THSD7A: variants seen among roughly 807,000 people sequenced by gnomAD.
THSD7A encodes the protein thrombospondin type-1 domain-containing protein 7A.
Under a neutral mutation model 231.3 loss-of-function variants are expected in THSD7A, and 96 were observed. The observed-to-expected ratio is 0.41, with a 90% CI of 0.35 to 0.49. The LOEUF (loss-of-function observed/expected upper bound fraction) is 0.49, where lower values mean the gene tolerates loss of function less well. Among genes scored for constraint, THSD7A ranks in the 20% least tolerant of loss-of-function variants. THSD7A has a pLI of 0.05. For missense variants in THSD7A, 2,290 were observed against 2,070.2 expected (o/e 1.11, Z -2.06); for synonymous variants, 940 against 743.3 (o/e 1.26, Z -4.30).
At chr7:11,713,428 C>T (rs1278417860) in intron 1 of THSD7A, among the ~76,000 whole-genome samples, 1 of 151,116 alleles carries the variant, frequency 6.6e-6, no homozygotes, top group African/African-American at 2.4e-5. Flanking sequence ...ATCTGTCTGT[C>T]ATAAATAAGA....
At chr7:11,816,091 C>T (rs549092127) in intron 1 of THSD7A, among the ~76,000 whole-genome samples, 2 of 152,172 alleles carry the variant, frequency 1.3e-5, no homozygotes, top group Admixed American at 1.3e-4. Context: ...CTCCATTTTA[C>T]ATCCATATAT....
intron 1 of THSD7A, among the ~76,000 whole-genome samples, chr7:11,721,709 G>T (rs568976502): frequency 2.3e-4 from 35 of 151,800 alleles, no homozygotes; most frequent in African/African-American, 8.2e-4. Flanking sequence ...ATTCATCCTT[G>T]CCTCTCTTTA....
intron 1 of THSD7A, among the ~76,000 whole-genome samples, chr7:11,701,463 AATTT>A (rs1023580597): frequency 1.7e-4 from 25 of 151,326 alleles, no homozygotes; most frequent in African/African-American, 6.0e-4. Context: ...ACTTCACTAT[AATTT>A]ATTAAAAGAA....
At chr7:11,698,443 C>G (rs1004544359) in intron 1 of THSD7A, among the ~76,000 whole-genome samples, 1 of 151,208 alleles carries the variant, frequency 6.6e-6, no homozygotes, top group Non-Finnish European at 1.5e-5. Flanking sequence ...GGGAATGTCC[C>G]AAATCTATGT....
intron 6 of THSD7A, among the ~76,000 whole-genome samples, chr7:11,496,054 T>G (rs994747073): frequency 2.6e-5 from 4 of 152,190 alleles, no homozygotes; most frequent in Non-Finnish European, 5.9e-5. Context: ...AGAAATGCTA[T>G]GCTTATATGT....
At chr7:11,824,709 T>C (rs1784974610) in intron 1 of THSD7A, among the ~76,000 whole-genome samples, 1 of 151,976 alleles carries the variant, frequency 6.6e-6, no homozygotes. Context: ...GCTATATAAA[T>C]TACAAAAGAA....
At chr7:11,660,907 C>A (rs1782903246) in intron 1 of THSD7A, among the ~76,000 whole-genome samples, 1 of 151,356 alleles carries the variant, frequency 6.6e-6, no homozygotes. Context: ...ACAACAGAGA[C>A]ATATTAATGC....
At position 11,543,035 on chromosome 7, in the gene THSD7A, T is replaced by C; in HGVS notation, c.1536A>G (p.Glu512=). 2 of 1,613,934 alleles carry C rather than the reference T, an allele frequency of 1.2e-6. No individual in the cohort carries two copies. Among genetic ancestry groups the C allele is most frequent in the Non-Finnish European group, 1.7e-6 (2 of 1,179,828 alleles). ...AAGCTGACCAAGGTGAAACTTCACA[T>C]TCAGTTGGACAAGGAATGTGGCACA... ...TQLCHIPCPT[E]CEVSPWSAWG... is the part of the protein sequence containing the mutation. Residue 512 remains glutamate (E), a synonymous_variant, in exon 5 of 28, where the codon GAA becomes GAG. Coordinates refer to ENST00000423059, the MANE Select transcript of THSD7A (RefSeq NM_015204.3).
chr7:11,718,323 T>C (rs1196367960), intron 1 of THSD7A, among the ~76,000 whole-genome samples: 1 of 151,692 alleles, frequency 6.6e-6, no homozygotes, highest in Non-Finnish European at 1.5e-5. Context: ...TTGCCTAACC[T>C]GTCTACATAG....
At chr7:11,674,833 C>A (rs948836128) in intron 1 of THSD7A, among the ~76,000 whole-genome samples, 7 of 152,076 alleles carry the variant, frequency 4.6e-5, no homozygotes, top group African/African-American at 1.7e-4. Flanking sequence ...TCTGAAATAA[C>A]AGACACAGAA....
At chr7:11,468,846 T>C (rs1017335806) in intron 9 of THSD7A, among the ~76,000 whole-genome samples, 1 of 151,934 alleles carries the variant, frequency 6.6e-6, no homozygotes, top group African/African-American at 2.4e-5. Flanking sequence ...AAAAATAAAA[T>C]AAAATAAAGA....
chr7:11,505,034 T>C (rs1219072806), intron 6 of THSD7A, among the ~76,000 whole-genome samples: 3 of 152,162 alleles, frequency 2.0e-5, no homozygotes, highest in African/African-American at 7.2e-5. Flanking sequence ...AACTCCTGAT[T>C]GTCAAACTTA....
At chr7:11,677,048 A>G (rs1425857632) in intron 1 of THSD7A, among the ~76,000 whole-genome samples, 1 of 152,208 alleles carries the variant, frequency 6.6e-6, no homozygotes, top group Non-Finnish European at 1.5e-5. Flanking sequence ...AAGGAAGCCC[A>G]TCAGACTAAC....
At chr7:11,745,452 T>C (rs4506092) in intron 1 of THSD7A, among the ~76,000 whole-genome samples, 2 of 151,952 alleles carry the variant, frequency 1.3e-5, no homozygotes, top group Non-Finnish European at 2.9e-5. Flanking sequence ...AGTTTATTTA[T>C]ATCCCATTTG....
chr7:11,744,902 C>A (rs1484427511), intron 1 of THSD7A, among the ~76,000 whole-genome samples: 1 of 151,930 alleles, frequency 6.6e-6, no homozygotes, highest in African/African-American at 2.4e-5. Flanking sequence ...ACAATAAGCA[C>A]ACATGTGCAT....
intron 1 of THSD7A, chr7:11,820,997 T>A: frequency 2.9e-6 from 3 of 1,039,928 alleles, no homozygotes; most frequent in Non-Finnish European, 4.3e-6. Flanking sequence ...CATCTCTGTA[T>A]TTTCCCTCAG....
intron 6 of THSD7A, among the ~76,000 whole-genome samples, chr7:11,484,739 C>T (rs1786576298): frequency 6.6e-6 from 1 of 151,986 alleles, no homozygotes. Context: ...GAGATCTAAG[C>T]ACAGTATTTC....
At chr7:11,460,170 A>C (rs1486398860) in intron 11 of THSD7A, among the ~76,000 whole-genome samples, 2 of 152,198 alleles carry the variant, frequency 1.3e-5, no homozygotes, top group Non-Finnish European at 2.9e-5. Context: ...TCAGTACTAA[A>C]TATGAACAGA....
chr7:11,419,026 C>G (rs967627831), intron 16 of THSD7A, among the ~76,000 whole-genome samples: 13 of 152,068 alleles, frequency 8.5e-5, no homozygotes, highest in Non-Finnish European at 1.8e-4. Flanking sequence ...ATGTTGCAGA[C>G]AGGACATTTC....
Sources: allele counts gnomAD v4.1 joint callset (sites outside exome capture counted in the v4.1 genomes callset), GRCh38; gene constraint gnomAD v4.1.1; transcripts MANE v1.5; gene names NCBI Gene and HGNC (gene_info 2026-07-23, HGNC 2026-07-21).